Variants in FGD3 observed in about 807,000 individuals in gnomAD.
FGD3 encodes the protein FYVE, RhoGEF and PH domain-containing protein 3.
FGD3 carries 45 observed loss-of-function variants against 71.8 expected under a neutral mutation model. The observed-to-expected ratio is 0.63, with a 90% CI of 0.49 to 0.80. FGD3 has a LOEUF of 0.80. Among genes scored for constraint, FGD3 ranks in the 30% least tolerant of loss-of-function variants. The probability of loss-of-function intolerance (pLI) is 0.00; values close to 1 mark genes in which losing one functional copy is unlikely to be tolerated. For synonymous variants in FGD3, 378 were observed against 392.8 expected (o/e 0.96, Z 0.44); for missense variants, 844 against 951.5 (o/e 0.89, Z 1.49).
chr9:92,977,911 CAGAAT>C (rs1420709974), intron 3 of FGD3, among the ~76,000 whole-genome samples: 1 of 152,198 alleles, frequency 6.6e-6, no homozygotes, highest in Non-Finnish European at 1.5e-5. Context: ...AGAAGACTGA[CAGAAT>C]AGACTCTGTG....
Position 93,006,146 on chromosome 9 carries a change from C to G in FGD3, c.803C>G (p.Ser268Cys). The change falls in exon 6 of 18, where the codon TCC becomes TGC. Residue 268 changes from serine to cysteine, a missense_variant. Ser to Cys is a moderately radical substitution (Grantham distance 112). Transcript: ENST00000375482. ...VGLVSTWTQR[S>C]PLFKDVVHSI... is the part of the protein sequence containing the mutation. ...CTGGTGAGCACGTGGACCCAGCGCT[C>G]CCCACTGTTTAAAGACGTCGTCCAC... The G allele has an allele frequency of 6.2e-7, 1 of 1,607,598 alleles. No individual in the cohort carries two copies.
intron 7 of FGD3, among the ~76,000 whole-genome samples, chr9:93,010,781 T>C (rs929626889): frequency 4.6e-5 from 7 of 151,816 alleles, no homozygotes; most frequent in Non-Finnish European, 1.0e-4. Context: ...GGAAGGGACT[T>C]AGCATCTTTG....
chr9:92,954,681 C>T (rs1179235850), intron 1 of FGD3, among the ~76,000 whole-genome samples: 1 of 152,290 alleles, frequency 6.6e-6, no homozygotes, highest in South Asian at 2.1e-4. Context: ...GACTGAGTGA[C>T]CGCACTTTGG....
chr9:93,013,279 C>T (rs3934851), intron 8 of FGD3, among the ~76,000 whole-genome samples: 7,059 of 152,340 alleles, frequency 0.046, 245 homozygotes, highest in South Asian at 0.15. Flanking sequence ...AAGGACGGGG[C>T]TTCCAAGGCA....
In FGD3 at chr9:92,949,425, C is replaced by T. The variant is rs541709051; in HGVS notation, c.-218+1696C>T. ...TGCCAGTCTGCAGCGGGGCGTCCGT[C>T]CACTCTGGCTATGGGGACATGTGGG... On this transcript the variant is annotated intron_variant, in intron 1 of 17. Transcript: ENST00000375482. 7.9e-5 allele frequency among the ~76,000 whole-genome samples: 12 copies of T among 152,318 alleles called. No individual in the cohort carries two copies. In the South Asian group the frequency reaches 2.5e-3, roughly 32 times the overall value.
intron 3 of FGD3, among the ~76,000 whole-genome samples, chr9:92,991,065 ATTTG>A (rs144744941): frequency 1.1e-3 from 169 of 151,152 alleles, no homozygotes; most frequent in East Asian, 0.01. Flanking sequence ...TTGTTTGGAG[ATTTG>A]TTTGTTTGTT....
At chr9:93,018,009 A>G in intron 10 of FGD3, 127 bp from the exon 11 acceptor site, 1 of 855,174 alleles carries the variant, frequency 1.2e-6, no homozygotes, top group Non-Finnish European at 1.9e-6. Context: ...CTCTCCCTGC[A>G]GAACTGTGGG....
chr9:92,994,297 A>G (rs1860542680), intron 3 of FGD3, among the ~76,000 whole-genome samples: 1 of 152,074 alleles, frequency 6.6e-6, no homozygotes. Flanking sequence ...TCCTTTGCCC[A>G]CTTTTTGATG....
intron 12 of FGD3, 90 bp from the exon 13 acceptor site, chr9:93,020,227 G>C (rs765753613): frequency 7.9e-7 from 1 of 1,267,966 alleles, no homozygotes; most frequent in Non-Finnish European, 1.1e-6. Flanking sequence ...GCCAAGGCCC[G>C]TCCTCGGGAC....
intron 1 of FGD3, among the ~76,000 whole-genome samples, chr9:92,961,360 A>G (rs1003667033): frequency 2.6e-5 from 4 of 152,206 alleles, no homozygotes; most frequent in African/African-American, 9.7e-5. Flanking sequence ...TTTGAGATTG[A>G]ATAGCACCAA....
At chr9:92,959,666 C>T (rs1564140334) in intron 1 of FGD3, among the ~76,000 whole-genome samples, 2 of 132,022 alleles carry the variant, frequency 1.5e-5, no homozygotes, top group East Asian at 2.2e-4. Flanking sequence ...ATGATCGGTC[C>T]AGTGCATTTC....
At chr9:93,023,192 G>C (rs531185459) in intron 14 of FGD3, among the ~76,000 whole-genome samples, 2 of 152,316 alleles carry the variant, frequency 1.3e-5, no homozygotes, top group South Asian at 4.1e-4. Flanking sequence ...GCAGGCCCAG[G>C]AATGACATGG....
At position 93,022,406 on chromosome 9, in the gene FGD3, C is replaced by T. The variant is rs1861956639; in HGVS notation, c.1557+17C>T. 7 of 1,609,888 alleles carry T rather than the reference C, an allele frequency of 4.3e-6. No homozygotes were observed. The Admixed American group carries it at 8.3e-5, about 19-fold the overall frequency. ...GCAGCAGGGGTAAGTGCCCCATGCTCAGCGGTCAGCAGGGGTGAAAGGCAG... is the reference window on the plus strand; with the variant it reads ...GCAGCAGGGGTAAGTGCCCCATGCTTAGCGGTCAGCAGGGGTGAAAGGCAG... On this transcript the variant is annotated intron_variant, in intron 14 of 17. Coordinates refer to ENST00000375482, the MANE Select transcript of FGD3 (RefSeq NM_001083536.2).
chr9:93,020,515 A>C (rs1380648156), intron 13 of FGD3, 91 bp downstream of exon 13: 1 of 1,045,394 alleles, frequency 9.6e-7, no homozygotes, highest in South Asian at 1.3e-5. Context: ...GGGCAGCTTG[A>C]CCTCCAGGCT....
At position 92,996,013 on chromosome 9, in the gene FGD3, C is replaced by A. The variant is rs576517213; in HGVS notation, c.454-6912C>A. ...TCATAAAATGAAATAGGGAAGATAA[C>A]CTCTTTTTCTATTGATTGGAATAGT... On this transcript the variant is annotated intron_variant, in intron 3 of 17. Transcript: ENST00000375482. 2.0e-5 allele frequency among the ~76,000 whole-genome samples: 3 copies of A among 152,164 alleles called. No homozygotes were observed. The South Asian group carries it at 6.2e-4, about 32-fold the overall frequency.
intron 3 of FGD3, among the ~76,000 whole-genome samples, chr9:92,998,484 A>C (rs569468597): frequency 6.6e-6 from 1 of 152,280 alleles, no homozygotes; most frequent in East Asian, 1.9e-4. Flanking sequence ...AACTCACCAA[A>C]GTCATTCTCC....
At chr9:93,010,871 G>A (rs1042950380) in intron 7 of FGD3, among the ~76,000 whole-genome samples, 2 of 152,148 alleles carry the variant, frequency 1.3e-5, no homozygotes, top group Non-Finnish European at 1.5e-5. Flanking sequence ...TGCTGGCCCT[G>A]TTCAGAGCTT....
At chr9:92,960,987 C>T (rs1287365482) in intron 1 of FGD3, among the ~76,000 whole-genome samples, 5 of 151,796 alleles carry the variant, frequency 3.3e-5, no homozygotes, top group Non-Finnish European at 5.9e-5. Flanking sequence ...AGGCCTCTCT[C>T]CTAGTGGGGT....
intron 9 of FGD3, among the ~76,000 whole-genome samples, chr9:93,014,378 G>C (rs1861574803): frequency 6.6e-6 from 1 of 152,146 alleles, no homozygotes; most frequent in Non-Finnish European, 1.5e-5. Flanking sequence ...CCCTGGCCGG[G>C]AGGGAGGGGG....
Sources: allele counts gnomAD v4.1 joint callset (sites outside exome capture counted in the v4.1 genomes callset), GRCh38; gene constraint gnomAD v4.1.1; transcripts MANE v1.5; gene names NCBI Gene and HGNC (gene_info 2026-07-23, HGNC 2026-07-21).